Variants in IKBKE observed in about 807,000 individuals in gnomAD.
IKBKE encodes inhibitor of nuclear factor kappa-B kinase subunit epsilon.
IKBKE carries 45 observed loss-of-function variants against 92.1 expected under a neutral mutation model. The observed-to-expected ratio is 0.49, with a 90% CI of 0.38 to 0.63. The LOEUF (loss-of-function observed/expected upper bound fraction) is 0.63. Among genes scored for constraint, IKBKE ranks in the 20% least tolerant of loss-of-function variants. The probability of loss-of-function intolerance (pLI) is 0.00; values close to 1 mark genes in which losing one functional copy is unlikely to be tolerated. For synonymous variants in IKBKE, 374 were observed against 380.3 expected, an observed-to-expected ratio of 0.98 and a Z score of 0.19; for missense variants, 700 against 932.8, an observed-to-expected ratio of 0.75 and a Z score of 3.25.
intron 5 of IKBKE, chr1:206,475,269 A>G (rs1328305899): frequency 6.2e-6 from 3 of 483,328 alleles, no homozygotes; most frequent in Non-Finnish European, 1.1e-5. Flanking sequence ...GACACCTGCT[A>G]CAACATGGAT....
chr1:206,495,132 C>T (rs947913698), intron 21 of IKBKE, among the ~76,000 whole-genome samples: 3 of 152,046 alleles, frequency 2.0e-5, no homozygotes, highest in Admixed American at 6.6e-5. Flanking sequence ...CATGTACACA[C>T]GTGCACGCAT....
At chr1:206,479,264 A>G in intron 10 of IKBKE, 131 bp downstream of exon 10, 1 of 771,080 alleles carries the variant, frequency 1.3e-6, no homozygotes, top group Non-Finnish European at 2.0e-6. Flanking sequence ...CAGGAGGCAG[A>G]TGTGGGTTCT....
At chr1:206,492,194 G>A (rs1553390587) in intron 18 of IKBKE, 1 of 339,960 alleles carries the variant, frequency 2.9e-6, no homozygotes, top group African/African-American at 2.2e-5. Context: ...GAGAACACTA[G>A]GTGCCCCTGG....
At position 206,472,221 on chromosome 1, in the gene IKBKE, A is replaced by G. The variant is rs538061276; in HGVS notation, c.-32-975A>G. Among the ~76,000 whole-genome samples the G allele has an allele frequency of 7.9e-5, 12 of 152,332 alleles. No individual in the cohort carries two copies. In the East Asian group the frequency reaches 2.3e-3, roughly 29 times the overall value. ...AGTCATGATTGTACCACTGCACCCC[A>G]GCCTGGATGACAGAGTGAGACCTTA... On this transcript the variant is annotated intron_variant, in intron 2 of 21. Coordinates refer to ENST00000581977, the MANE Select transcript of IKBKE (RefSeq NM_014002.4).
intron 13 of IKBKE, among the ~76,000 whole-genome samples, chr1:206,483,342 G>A (rs1553387715): frequency 2.1e-4 from 32 of 152,232 alleles, no homozygotes. Flanking sequence ...CTGTGGAGAT[G>A]TATTGGGTCC....
intron 21 of IKBKE, 142 bp downstream of exon 21, chr1:206,494,133 A>G (rs1553391527): frequency 4.5e-6 from 3 of 661,136 alleles, no homozygotes; most frequent in Non-Finnish European, 7.9e-6. Flanking sequence ...AAGCTTAGGC[A>G]TTTTCCACAA....
chr1:206,476,200 G>A lies in IKBKE; in HGVS notation c.378G>A (p.Leu126=). The part of the protein sequence containing the change: ...LRCVVAGMNH[L]RENGIVHRDI... ...CCCCAGTGGCCGGCATGAACCACCT[G>A]CGGGAGAACGGCATTGTGCATCGCG... The change falls in exon 6 of 22, where the codon CTG becomes CTA. Residue 126 remains leucine, a synonymous_variant. Coordinates refer to ENST00000581977, the MANE Select transcript of IKBKE (RefSeq NM_014002.4). This position sits in a 1 kb window ranked among gnomAD's most constrained non-coding sequence, Gnocchi z 5.1. 2 of 1,614,124 alleles carry A rather than the reference G, an allele frequency of 1.2e-6. No homozygotes were observed. The highest frequency in any genetic ancestry group is 8.5e-7 in the Non-Finnish European group (1 of 1,180,028).
At chr1:206,492,814 G>A (rs1174879127) in intron 18 of IKBKE, 9 of 674,176 alleles carry the variant, frequency 1.3e-5, no homozygotes, top group Non-Finnish European at 2.2e-5. Context: ...TCTGAAGGGG[G>A]CCTCCCAGCC....
intron 7 of IKBKE, among the ~76,000 whole-genome samples, chr1:206,477,468 CA>C (rs1665128346): frequency 6.6e-6 from 1 of 150,846 alleles, no homozygotes; most frequent in African/African-American, 2.4e-5. Context: ...ATAGCATGGG[CA>C]AAGGTGTGGA....
intron 13 of IKBKE, among the ~76,000 whole-genome samples, chr1:206,481,871 C>A (rs1407434474): frequency 2.0e-5 from 3 of 147,364 alleles, no homozygotes; most frequent in African/African-American, 7.6e-5. Context: ...GCTCCGCCTC[C>A]CGGGTTCACG....
rs553291699 is a variant in IKBKE at position 206,486,938 on chromosome 1, C to T, written c.1617-976C>T. Among the ~76,000 whole-genome samples, 114 of 151,976 alleles carry T rather than the reference C, an allele frequency of 7.5e-4. No homozygotes were observed. In the Middle Eastern group the frequency reaches 0.01, roughly 14 times the overall value. On this transcript the variant is annotated intron_variant, in intron 15 of 21. Transcript: ENST00000581977. ...GGATGAAGGCTGAGGATCAAGGCCC[C>T]ATCCATTTGGATGAAGGCTGCAGAT...
chr1:206,493,889 C>T (rs367864244), intron 20 of IKBKE, 31 bp from the exon 21 acceptor site: 19 of 1,607,414 alleles, frequency 1.2e-5, no homozygotes, highest in Admixed American at 1.7e-5. Context: ...CTTCCAGCCT[C>T]AGCCGCCTCT....
Position 206,480,120 on chromosome 1 carries a change from A to G in IKBKE, c.1340+7A>G. 1 of 1,534,952 alleles carries G rather than the reference A, an allele frequency of 6.5e-7. No individual in the cohort carries two copies. Among genetic ancestry groups the G allele is most frequent in the Non-Finnish European group, 8.8e-7 (1 of 1,140,178 alleles). ...GGGGGCTGCACTGGGTCATGTGAGT[A>G]ATCATGAGGGCTGGGCACAGAGGGG... On this transcript the variant is annotated splice_region_variant and intron_variant, in intron 12 of 21. Transcript: ENST00000581977.
rs181476923 is a variant in IKBKE, at chr1:206,494,711, C to A, written c.2117+720C>A. ...CTCCATCTCCTGGGTTCAAGCAATTCTCCTGCCTCAGCCTCCTGAGTAGCC... is the reference window on the plus strand; with the variant it reads ...CTCCATCTCCTGGGTTCAAGCAATTATCCTGCCTCAGCCTCCTGAGTAGCC... On this transcript the variant is annotated intron_variant, in intron 21 of 21. Transcript: ENST00000581977. Among the ~76,000 whole-genome samples, 184 of 135,186 alleles carry A rather than the reference C, an allele frequency of 1.4e-3. 1 individual carries two copies. The highest frequency in any genetic ancestry group is 2.7e-3 in the South Asian group (11 of 4,098). The allele number at this position is 135,186 out of a possible 152,430, so 88.7% of individuals were successfully genotyped here. A position where few individuals can be genotyped will look rare whatever the true frequency, so the allele number is the denominator to read the frequency against.
At position 206,484,857 on chromosome 1, in the gene IKBKE, C is replaced by A. The variant is rs567832944; in HGVS notation, c.1428-140C>A. The A allele has an allele frequency of 2.6e-4, 178 of 672,922 alleles. 1 individual carries two copies. In the East Asian group the frequency reaches 4.8e-3, roughly 18 times the overall value. The allele number at this position is 672,922 out of a possible 1,614,324, so 41.7% of individuals were successfully genotyped here. On this transcript the variant is annotated intron_variant, in intron 13 of 21. Transcript: ENST00000581977. ...CAGGATGGCGCCTCTGTCCCAAACACAAAACTTCCCAGAGACCCGGAGAGC... is the reference window on the plus strand; with the variant it reads ...CAGGATGGCGCCTCTGTCCCAAACAAAAAACTTCCCAGAGACCCGGAGAGC...
chr1:206,488,026 C>T (rs1315725999), intron 16 of IKBKE, 36 bp downstream of exon 16: 2 of 1,466,106 alleles, frequency 1.4e-6, no homozygotes, highest in African/African-American at 1.4e-5. Flanking sequence ...CTTCTCTCTC[C>T]TCTGTCTCCC....
At chr1:206,486,221 T>C (rs1419693763) in intron 15 of IKBKE, among the ~76,000 whole-genome samples, 2 of 152,276 alleles carry the variant, frequency 1.3e-5, no homozygotes, top group Admixed American at 1.3e-4. Flanking sequence ...CACAATACAC[T>C]GTGTGGGTAC....
At chr1:206,488,612 G>A (rs1665785000) in intron 16 of IKBKE, among the ~76,000 whole-genome samples, 1 of 152,116 alleles carries the variant, frequency 6.6e-6, no homozygotes, top group Admixed American at 6.5e-5. Flanking sequence ...GTTGGAGGGA[G>A]CCTGCGGAGG....
intron 4 of IKBKE, 146 bp downstream of exon 4, chr1:206,474,617 G>A: frequency 1.1e-6 from 1 of 901,952 alleles, no homozygotes. Context: ...AGCAAAGGGG[G>A]CAAGGGGGTG....
Sources: gnomAD v4.1 joint callset for allele counts (sites outside exome capture counted in the v4.1 genomes callset) on GRCh38, gnomAD v4.1.1 for gene constraint, Gnocchi (gnomAD v3.1) non-coding constraint, MANE v1.5 for transcripts, NCBI Gene and HGNC (gene_info 2026-07-23, HGNC 2026-07-21) for gene names.